Variants in TENM1 observed in about 807,000 individuals in gnomAD.
TENM1 encodes teneurin transmembrane protein 1.
In TENM1, 35 loss-of-function variants were observed where a neutral mutation model predicts 174.8. That is an observed-to-expected ratio of 0.20 (90% CI 0.15 to 0.27). The LOEUF is 0.27. TENM1 is among the 10% of genes least tolerant of loss of function. TENM1 has a pLI of 1.00. For missense variants in TENM1, 1,633 were observed against 2,130.1 expected (o/e 0.77, Z 4.59); for synonymous variants, 781 against 798.7 (o/e 0.98, Z 0.37).
At chrX:124,589,364 G>A (rs1306605802) in intron 11 of TENM1, among the ~76,000 whole-genome samples, 1 of 106,417 alleles carries the variant, frequency 9.4e-6, no homozygotes. Context: ...TGTTGTTGTT[G>A]TTGTTGTTGT....
At chrX:124,799,946 T>C (rs758224347) in intron 3 of TENM1, among the ~76,000 whole-genome samples, 53 of 112,277 alleles carry the variant, frequency 4.7e-4, no homozygotes, top group African/African-American at 1.7e-3. Flanking sequence ...ATCCCAGGGA[T>C]GAAACCAATT....
intron 1 of TENM1, among the ~76,000 whole-genome samples, chrX:124,918,831 G>A (rs140886996): frequency 0.028 from 3,083 of 111,503 alleles, 95 homozygotes; most frequent in African/African-American, 0.091. Flanking sequence ...AACCTGCCAT[G>A]TTAAGTAATA....
the TENM1 span, among the ~76,000 whole-genome samples, chrX:125,114,867 C>T: frequency 1.8e-5 from 2 of 111,424 alleles, no homozygotes; most frequent in African/African-American, 3.3e-5. Context: ...AGAAAAACAG[C>T]GACTTCTCCC....
chrX:124,627,707 C>G (rs1338203568), intron 11 of TENM1, among the ~76,000 whole-genome samples: 1 of 112,008 alleles, frequency 8.9e-6, no homozygotes, highest in Non-Finnish European at 1.9e-5. Context: ...AAACTCTAAT[C>G]CTTACCAGTT....
At chrX:125,109,003 T>A in the TENM1 span, among the ~76,000 whole-genome samples, 2 of 111,143 alleles carry the variant, frequency 1.8e-5, no homozygotes, top group Non-Finnish European at 3.8e-5. Context: ...CACACCTCTA[T>A]TCATTTGCAT....
At chrX:124,901,951 G>T (rs777737620) in intron 1 of TENM1, among the ~76,000 whole-genome samples, 1 of 111,669 alleles carries the variant, frequency 9.0e-6, no homozygotes, top group South Asian at 3.7e-4. Context: ...GGAGAGGGGG[G>T]AGGGGATAGA....
At chrX:125,167,411 A>G in the TENM1 span, among the ~76,000 whole-genome samples, 12 of 111,439 alleles carry the variant, frequency 1.1e-4, no homozygotes, top group African/African-American at 3.9e-4. Flanking sequence ...TTCATAAAGA[A>G]CTCTAGCCTA....
At position 124,457,053 on chromosome X, in the gene TENM1, T is replaced by C. The variant is rs762664645; in HGVS notation, c.3950-3562A>G. On this transcript the variant is annotated intron_variant, in intron 22 of 31. Coordinates refer to ENST00000422452, the Ensembl canonical transcript of TENM1. ...GTAAAAATACAGAGATCTCTGATAT[T>C]ACCACAAGGTTAGGCCGTGATGCAA... Among the ~76,000 whole-genome samples, 6 of 112,154 alleles carry C rather than the reference T, an allele frequency of 5.3e-5. No homozygotes were observed. In the East Asian group the frequency reaches 1.7e-3, roughly 31 times the overall value.
intron 23 of TENM1, among the ~76,000 whole-genome samples, chrX:124,449,713 T>C (rs2061007686): frequency 8.9e-6 from 1 of 111,954 alleles, no homozygotes; most frequent in Admixed American, 9.5e-5. Flanking sequence ...TAGGACTTGA[T>C]AGCCTGACCC....
the TENM1 span, among the ~76,000 whole-genome samples, chrX:125,074,867 A>G: frequency 9.8e-5 from 11 of 111,820 alleles, no homozygotes; most frequent in East Asian, 3.1e-3. Flanking sequence ...CTCATCATTA[A>G]AACTCCAGTT....
At chrX:124,458,825 T>G (rs1180800788) in intron 22 of TENM1, among the ~76,000 whole-genome samples, 1 of 112,442 alleles carries the variant, frequency 8.9e-6, no homozygotes, top group Non-Finnish European at 1.9e-5. Flanking sequence ...AGCTTTGCCA[T>G]AAGGCAAAGT....
intron 2 of TENM1, among the ~76,000 whole-genome samples, chrX:124,895,761 G>C (rs2057551740): frequency 9.0e-6 from 1 of 111,662 alleles, no homozygotes; most frequent in Non-Finnish European, 1.9e-5. Flanking sequence ...ATTTCCCTTG[G>C]GGGCTCACCG....
At chrX:124,939,692 G>T (rs373786621) in intron 1 of TENM1, among the ~76,000 whole-genome samples, 1 of 110,814 alleles carries the variant, frequency 9.0e-6, no homozygotes, top group African/African-American at 3.3e-5. Context: ...CACTCACAGC[G>T]GCCCTCTTTC....
At chrX:124,809,966 G>C (rs2055720426) in intron 3 of TENM1, among the ~76,000 whole-genome samples, 1 of 109,991 alleles carries the variant, frequency 9.1e-6, no homozygotes, top group South Asian at 4.0e-4. Flanking sequence ...CTGCCCCCAT[G>C]ACCCAATCAT....
chrX:124,978,253 C>T, the TENM1 span, among the ~76,000 whole-genome samples: 1 of 110,875 alleles, frequency 9.0e-6, no homozygotes. Context: ...TCCATTAAGC[C>T]TTTATTGATG....
intron 31 of TENM1, among the ~76,000 whole-genome samples, chrX:124,381,897 A>G (rs1429526796): frequency 8.9e-6 from 1 of 111,788 alleles, no homozygotes; most frequent in East Asian, 2.8e-4. Context: ...ATTTTGCTAA[A>G]TGTTTTTTAG....
the TENM1 span, among the ~76,000 whole-genome samples, chrX:125,126,301 T>A: frequency 2.0e-4 from 22 of 111,752 alleles, no homozygotes; most frequent in Non-Finnish European, 1.9e-5. Context: ...AGAAGATTTC[T>A]GGGCTGTGAA....
rs1569438203 is a variant in TENM1, at chrX:124,773,222, GC to G, written c.536-36026del. Among the ~76,000 whole-genome samples the G allele has an allele frequency of 5.1e-4, 57 of 111,181 alleles. 2 individuals carry two copies. Among genetic ancestry groups the G allele is most frequent in the Admixed American group, 4.6e-3 (48 of 10,409 alleles). ...CTCTTCTAGTTGCCTTGGAAGCACT[GC>G]AGTTTTCTCTGAAACCAGATGTATC... On this transcript the variant is annotated intron_variant, in intron 3 of 31. Transcript: ENST00000422452.
intron 11 of TENM1, among the ~76,000 whole-genome samples, chrX:124,596,797 C>G (rs780077250): frequency 5.4e-5 from 6 of 110,624 alleles, no homozygotes; most frequent in Admixed American, 1.9e-4. Flanking sequence ...ATTGAAAAAC[C>G]CTGAAAGGTA....
Sources: gnomAD v4.1 joint callset for allele counts (sites outside exome capture counted in the v4.1 genomes callset) on GRCh38, gnomAD v4.1.1 for gene constraint, MANE v1.5 for transcripts, NCBI Gene and HGNC (gene_info 2026-07-23, HGNC 2026-07-21) for gene names.